SCML1: variants seen among roughly 807,000 people sequenced by gnomAD.
SCML1 encodes the protein sex comb on midleg-like protein 1.
For missense variants in SCML1, 137 were observed against 258.1 expected (o/e 0.53, Z 3.22); for synonymous variants, 104 against 103.6 (o/e 1.00, Z -0.02).
intron 7 of SCML1, among the ~76,000 whole-genome samples, chrX:17,752,655 G>A (rs1438318453): frequency 4.5e-5 from 5 of 112,179 alleles, no homozygotes; most frequent in African/African-American, 9.7e-5. Flanking sequence ...TTAAGATAAG[G>A]AATTTTAGGA....
intron 1 of SCML1, among the ~76,000 whole-genome samples, chrX:17,742,104 A>C (rs1486702420): frequency 1.8e-5 from 2 of 112,011 alleles, no homozygotes; most frequent in Non-Finnish European, 3.8e-5. Flanking sequence ...AGGAACTTAG[A>C]AAATGTTATA....
At chrX:17,742,812 C>T (rs1191513982) in intron 1 of SCML1, among the ~76,000 whole-genome samples, 1 of 112,072 alleles carries the variant, frequency 8.9e-6, no homozygotes, top group Non-Finnish European at 1.9e-5. Flanking sequence ...ACTAAGAAGT[C>T]GTTACAGTAA....
intron 1 of SCML1, among the ~76,000 whole-genome samples, chrX:17,740,706 C>T (rs1376166435): frequency 2.7e-5 from 3 of 112,129 alleles, no homozygotes; most frequent in Admixed American, 9.4e-5. Flanking sequence ...CAGGGAAAGC[C>T]GTGTCACATC....
At chrX:17,741,436 C>T (rs1009420417) in intron 1 of SCML1, among the ~76,000 whole-genome samples, 38 of 111,509 alleles carry the variant, frequency 3.4e-4, no homozygotes, top group Admixed American at 3.1e-3. Context: ...GTGACCTCTG[C>T]GCAGTGGGCG....
intron 6 of SCML1, among the ~76,000 whole-genome samples, chrX:17,750,665 GAGC>G (rs2066700020): frequency 8.9e-6 from 1 of 112,259 alleles, no homozygotes; most frequent in Non-Finnish European, 1.9e-5. Context: ...CACGATCACA[GAGC>G]TGGTGAGTAG....
chrX:17,752,169 A>G (rs1051774679), intron 7 of SCML1, among the ~76,000 whole-genome samples: 1 of 111,741 alleles, frequency 8.9e-6, no homozygotes, highest in Non-Finnish European at 1.9e-5. Flanking sequence ...AGTGCCTAAA[A>G]TACAAACTGC....
At chrX:17,743,306 T>C (rs2066614120) in intron 1 of SCML1, among the ~76,000 whole-genome samples, 1 of 111,874 alleles carries the variant, frequency 8.9e-6, no homozygotes, top group Non-Finnish European at 1.9e-5. Flanking sequence ...AACCTGAATC[T>C]CTTAATTGTG....
At chrX:17,746,312 C>T (rs2066641569) in intron 4 of SCML1, among the ~76,000 whole-genome samples, 1 of 112,222 alleles carries the variant, frequency 8.9e-6, no homozygotes, top group Non-Finnish European at 1.9e-5. Flanking sequence ...TTTTAAAAAG[C>T]CCATTACCAA....
chrX:17,753,134 C>T (rs1018937718), intron 7 of SCML1, 124 bp from the exon 8 acceptor site: 1 of 451,457 alleles, frequency 2.2e-6, no homozygotes, highest in African/African-American at 2.5e-5. Flanking sequence ...GACGCATATT[C>T]AGAGAATATA....
chrX:17,738,281 G>A (rs1415997321), intron 1 of SCML1, among the ~76,000 whole-genome samples: 1 of 112,353 alleles, frequency 8.9e-6, no homozygotes, highest in African/African-American at 3.2e-5. Context: ...GCGAGGGCCC[G>A]GCCCCCTTGC....
At chrX:17,749,181 A>G (rs1026403971) in intron 4 of SCML1, among the ~76,000 whole-genome samples, 9 of 112,065 alleles carry the variant, frequency 8.0e-5, no homozygotes, top group African/African-American at 2.9e-4. Flanking sequence ...TACATGGAGT[A>G]GAGCAGGGGA....
chrX:17,738,772 G>T (rs756365630), intron 1 of SCML1, among the ~76,000 whole-genome samples: 1 of 112,225 alleles, frequency 8.9e-6, no homozygotes, highest in Non-Finnish European at 1.9e-5. Flanking sequence ...AAATCAGACG[G>T]CCTCTTGTTC....
intron 7 of SCML1, among the ~76,000 whole-genome samples, chrX:17,752,254 A>G (rs746799189): frequency 9.0e-6 from 1 of 111,510 alleles, no homozygotes; most frequent in African/African-American, 3.3e-5. Flanking sequence ...AGATACAAAG[A>G]TCCTCCCCCT....
Sources: gnomAD v4.1 joint callset for allele counts (sites outside exome capture counted in the v4.1 genomes callset) on GRCh38, gnomAD v4.1.1 for gene constraint, MANE v1.5 for transcripts, NCBI Gene and HGNC (gene_info 2026-07-23, HGNC 2026-07-21) for gene names.